The following GRIK3 variants were observed in gnomAD, a reference collection of about 807,000 sequenced individuals.
GRIK3 encodes glutamate receptor ionotropic, kainate 3.
A neutral mutation model predicts 102.5 loss-of-function variants in GRIK3; 29 were observed. That is an observed-to-expected ratio of 0.28 (90% CI 0.21 to 0.39). The LOEUF is 0.39. GRIK3 is among the 10% of genes least tolerant of loss of function. GRIK3 has a pLI of 1.00. For synonymous variants in GRIK3, 511 were observed against 504.9 expected, an observed-to-expected ratio of 1.01 and a Z score of -0.16; for missense variants, 908 against 1,252.4, an observed-to-expected ratio of 0.73 and a Z score of 4.15.
At chr1:36,969,203 G>A (rs1642116277) in intron 1 of GRIK3, among the ~76,000 whole-genome samples, 1 of 152,214 alleles carries the variant, frequency 6.6e-6, no homozygotes, top group African/African-American at 2.4e-5. Context: ...AATGGCAGGA[G>A]CCAGTCAAGA....
At position 36,825,770 on chromosome 1, in the gene GRIK3, G is replaced by A. The variant is rs1347514214; in HGVS notation, c.1587C>T (p.Ile529=). 2 of 1,613,772 alleles carry A rather than the reference G, an allele frequency of 1.2e-6. No homozygotes were observed. The highest frequency in any genetic ancestry group is 1.7e-6 in the Non-Finnish European group (2 of 1,179,832). Residue 529 remains isoleucine, a synonymous_variant, in exon 11 of 16, where the codon ATC becomes ATT. Transcript: ENST00000373091. The stretch of plus-strand genomic sequence containing the variant: ...GTGTCATGAAGGGCTTGGAGAAGTC[G>A]ATGGCCTTCTCTCGAACATGGGTGA... ...LTITHVREKA[I]DFSKPFMTLG...
At chr1:36,854,944 G>A (rs918957546) in intron 7 of GRIK3, among the ~76,000 whole-genome samples, 9 of 152,152 alleles carry the variant, frequency 5.9e-5, no homozygotes, top group Non-Finnish European at 8.8e-5. Context: ...ACTAGAACCC[G>A]TGATCCCAGG....
At chr1:36,916,352 G>A (rs962273688) in intron 1 of GRIK3, among the ~76,000 whole-genome samples, 1 of 152,104 alleles carries the variant, frequency 6.6e-6, no homozygotes, top group Non-Finnish European at 1.5e-5. Flanking sequence ...ACAACATGAT[G>A]GAAAAGAAAA....
intron 1 of GRIK3, among the ~76,000 whole-genome samples, chr1:36,966,551 G>T (rs747605444): frequency 6.6e-6 from 1 of 152,084 alleles, no homozygotes; most frequent in African/African-American, 2.4e-5. Flanking sequence ...TAGCGGGGGA[G>T]TGAAGGTGAG....
intron 10 of GRIK3, among the ~76,000 whole-genome samples, chr1:36,830,830 A>G (rs1426401630): frequency 1.3e-5 from 2 of 151,022 alleles, no homozygotes; most frequent in African/African-American, 2.4e-5. Flanking sequence ...AAAAAAAAAA[A>G]AAAAAAGAAA....
At chr1:36,938,121 C>G (rs574209872) in intron 1 of GRIK3, among the ~76,000 whole-genome samples, 2 of 152,362 alleles carry the variant, frequency 1.3e-5, no homozygotes, top group East Asian at 3.9e-4. Context: ...TCAGTGCAAT[C>G]TGCACCTGCA....
At chr1:36,973,407 T>C (rs1309606242) in intron 1 of GRIK3, among the ~76,000 whole-genome samples, 1 of 149,362 alleles carries the variant, frequency 6.7e-6, no homozygotes, top group African/African-American at 2.5e-5. Context: ...TAGACATCAC[T>C]TCTTTTTCCT....
chr1:36,839,687 G>A (rs1162694081), intron 10 of GRIK3, among the ~76,000 whole-genome samples: 1 of 152,212 alleles, frequency 6.6e-6, no homozygotes, highest in Non-Finnish European at 1.5e-5. Flanking sequence ...CTGAGGCACA[G>A]AGAGGTTAAG....
At position 36,855,420 on chromosome 1, in the gene GRIK3, A is replaced by G. The variant is rs527709034; in HGVS notation, c.1105-1698T>C. On this transcript the variant is annotated intron_variant, in intron 7 of 15. Transcript: ENST00000373091. ...ACAAATCCCAAATGAAAACCCTTAG[A>G]CATCTCCAAGCACATGGGCAGCTCC... Among the ~76,000 whole-genome samples the G allele has an allele frequency of 3.2e-4, 49 of 152,346 alleles. No individual in the cohort carries two copies. In the South Asian group the frequency reaches 9.3e-3, roughly 29 times the overall value.
intron 1 of GRIK3, among the ~76,000 whole-genome samples, chr1:36,929,889 G>A (rs1641569095): frequency 6.6e-6 from 1 of 152,238 alleles, no homozygotes; most frequent in African/African-American, 2.4e-5. Flanking sequence ...TAGGCTGCAG[G>A]CTTTTGAAAG....
chr1:36,993,296 T>C (rs1642381829), intron 1 of GRIK3, among the ~76,000 whole-genome samples: 1 of 152,132 alleles, frequency 6.6e-6, no homozygotes, highest in African/African-American at 2.4e-5. Context: ...ATATGGAGTA[T>C]TGTTCTGTCA....
chr1:36,861,746 G>C (rs1436273509), intron 5 of GRIK3, among the ~76,000 whole-genome samples: 1 of 152,194 alleles, frequency 6.6e-6, no homozygotes, highest in South Asian at 2.1e-4. Flanking sequence ...AGTAGGGAAG[G>C]GGTTTGGAGC....
Position 36,859,927 on chromosome 1 carries a change from A to C in GRIK3, c.877T>G (p.Ser293Ala), listed in dbSNP as rs1640701102. 6.2e-7 allele frequency: 1 copy of C among 1,613,852 alleles called. No homozygotes were observed. The highest frequency in any genetic ancestry group is 1.3e-5 in the African/African-American group (1 of 74,930). ...ATGGACCACTTCTCCACAATGGCCG[A>C]GACGTGTGGGTTGTCCACATTGAGA... ...RILNVDNPHV[S>A]AIVEKWSMER... Residue 293 changes from serine (S) to alanine (A), a missense_variant, in exon 6 of 16, where the codon TCG becomes GCG. Coordinates refer to ENST00000373091, the MANE Select transcript of GRIK3 (RefSeq NM_000831.4).
intron 1 of GRIK3, among the ~76,000 whole-genome samples, chr1:36,984,314 AC>A (rs1642281801): frequency 6.6e-6 from 1 of 152,216 alleles, no homozygotes; most frequent in East Asian, 1.9e-4. Flanking sequence ...CCATCCTCAC[AC>A]ATGCACACTA....
chr1:36,802,946 G>A (rs1268756687), intron 15 of GRIK3, among the ~76,000 whole-genome samples: 4 of 152,006 alleles, frequency 2.6e-5, no homozygotes, highest in African/African-American at 7.2e-5. Context: ...TACTTAATGC[G>A]ACCCTACTAT....
At chr1:36,846,518 T>A (rs1394343476) in intron 9 of GRIK3, among the ~76,000 whole-genome samples, 1 of 152,084 alleles carries the variant, frequency 6.6e-6, no homozygotes, top group South Asian at 2.1e-4. Flanking sequence ...AGCAGTTTGA[T>A]GTTGTGTACT....
chr1:36,895,016 C>T (rs1290522708), intron 1 of GRIK3, among the ~76,000 whole-genome samples: 2 of 152,198 alleles, frequency 1.3e-5, no homozygotes, highest in African/African-American at 4.8e-5. Flanking sequence ...CCACCCTAGC[C>T]ATCCTATCCC....
chr1:36,829,360 C>T (rs962581359), intron 10 of GRIK3, among the ~76,000 whole-genome samples: 1 of 151,480 alleles, frequency 6.6e-6, no homozygotes, highest in African/African-American at 2.4e-5. Flanking sequence ...AACTTCAAGT[C>T]TATTCGAGGA....
intron 2 of GRIK3, among the ~76,000 whole-genome samples, chr1:36,882,984 A>G (rs1329288501): frequency 1.3e-5 from 2 of 152,222 alleles, no homozygotes; most frequent in Non-Finnish European, 2.9e-5. Flanking sequence ...GAATGACACT[A>G]TGTGCACACA....
Sources: allele counts gnomAD v4.1 joint callset (sites outside exome capture counted in the v4.1 genomes callset), GRCh38; gene constraint gnomAD v4.1.1; transcripts MANE v1.5; gene names NCBI Gene and HGNC (gene_info 2026-07-23, HGNC 2026-07-21).